STARD3NL: variants seen among roughly 807,000 people sequenced by gnomAD.
STARD3NL encodes the protein STARD3 N-terminal-like protein.
Under a neutral mutation model 30.9 loss-of-function variants are expected in STARD3NL, and 17 were observed. That is an observed-to-expected ratio of 0.55 (90% CI 0.38 to 0.82). The LOEUF (loss-of-function observed/expected upper bound fraction) is 0.82, where lower values mean the gene tolerates loss of function less well. Ranked by LOEUF, STARD3NL falls within the 40% of genes least tolerant of loss-of-function variation. STARD3NL has a pLI of 0.00. For missense variants in STARD3NL, 234 were observed against 277.6 expected, an observed-to-expected ratio of 0.84 and a Z score of 1.12; for synonymous variants, 112 against 100.5, an observed-to-expected ratio of 1.11 and a Z score of -0.69.
chr7:38,213,203 G>A (rs1345385428), intron 2 of STARD3NL, among the ~76,000 whole-genome samples: 1 of 152,116 alleles, frequency 6.6e-6, no homozygotes, highest in Non-Finnish European at 1.5e-5. Flanking sequence ...TTAGTCCGGA[G>A]AGACAGTAAT....
chr7:38,197,003 C>A (rs537159229), intron 1 of STARD3NL, among the ~76,000 whole-genome samples: 4 of 152,236 alleles, frequency 2.6e-5, no homozygotes, highest in African/African-American at 9.6e-5. Context: ...TGAAACTTTT[C>A]CTGTAGAGCT....
At position 38,204,685 on chromosome 7, in the gene STARD3NL, A is replaced by G. The variant is rs1365218437; in HGVS notation, c.-58-2762A>G. On this transcript the variant is annotated intron_variant, in intron 1 of 8. Transcript: ENST00000009041. The stretch of plus-strand genomic sequence containing the variant: ...ACACAAAAAACCCTTCAAAAAATCA[A>G]TGAATCCAGGAGCTGGTTTTTTGAA... Among the ~76,000 whole-genome samples, 4 of 152,328 alleles carry G rather than the reference A, an allele frequency of 2.6e-5. No homozygotes were observed. The South Asian group carries it at 8.3e-4, about 32-fold the overall frequency.
intron 2 of STARD3NL, among the ~76,000 whole-genome samples, chr7:38,209,174 T>G (rs1378879020): frequency 6.6e-6 from 1 of 152,218 alleles, no homozygotes; most frequent in Non-Finnish European, 1.5e-5. Flanking sequence ...TTTTGCTATG[T>G]GTTCCACATA....
intron 1 of STARD3NL, among the ~76,000 whole-genome samples, chr7:38,180,378 A>G (rs73348622): frequency 0.076 from 11,535 of 152,170 alleles, 1,434 homozygotes; most frequent in African/African-American, 0.26. Flanking sequence ...TATTACCTGT[A>G]CCTGCCTTCC....
At chr7:38,228,605 T>C (rs1786920246) in intron 7 of STARD3NL, among the ~76,000 whole-genome samples, 194 bp from the exon 8 acceptor site, 1 of 152,256 alleles carries the variant, frequency 6.6e-6, no homozygotes, top group South Asian at 2.1e-4. Flanking sequence ...TGATAGATTA[T>C]TGTTTAAAGG....
intron 7 of STARD3NL, among the ~76,000 whole-genome samples, chr7:38,219,916 G>T (rs574246582): frequency 1.3e-5 from 2 of 152,214 alleles, no homozygotes; most frequent in Admixed American, 6.5e-5. Flanking sequence ...CACAGACAAG[G>T]GGAAGCGTCT....
chr7:38,224,154 G>T (rs1351359953), intron 7 of STARD3NL, among the ~76,000 whole-genome samples: 1 of 151,596 alleles, frequency 6.6e-6, no homozygotes, highest in Admixed American at 6.7e-5. Context: ...TTTGTGGCTG[G>T]GTATTATTCC....
intron 1 of STARD3NL, among the ~76,000 whole-genome samples, chr7:38,192,522 A>G (rs1431923429): frequency 6.6e-6 from 1 of 152,174 alleles, no homozygotes; most frequent in African/African-American, 2.4e-5. Context: ...GAAAAATGCA[A>G]GCAGAGGTTT....
chr7:38,199,959 C>T (rs1346409855), intron 1 of STARD3NL, among the ~76,000 whole-genome samples: 1 of 152,190 alleles, frequency 6.6e-6, no homozygotes, highest in Non-Finnish European at 1.5e-5. Context: ...GAACCTGCAG[C>T]CACGGGCTTT....
intron 1 of STARD3NL, among the ~76,000 whole-genome samples, chr7:38,186,944 T>C (rs1278751093): frequency 6.6e-6 from 1 of 151,728 alleles, no homozygotes; most frequent in Non-Finnish European, 1.5e-5. Flanking sequence ...GAATAAAAGG[T>C]TGGAGACAAT....
In STARD3NL at chr7:38,179,901, T is replaced by A. The variant is rs1043929133; in HGVS notation, c.-59+1481T>A. On this transcript the variant is annotated intron_variant, in intron 1 of 8. Transcript: ENST00000009041. ...GAAGTTTCTAGGCAGATATAAACAG[T>A]GTAAAGGAGCTAAAGGAAGAATGAA... Among the ~76,000 whole-genome samples, 4 of 151,942 alleles carry A rather than the reference T, an allele frequency of 2.6e-5. No individual in the cohort carries two copies. In the East Asian group the frequency reaches 7.7e-4, roughly 29 times the overall value.
Position 38,215,077 on chromosome 7 carries a change from G to T in STARD3NL, c.353G>T (p.Cys118Phe). 6.2e-7 allele frequency: 1 copy of T among 1,614,022 alleles called. No homozygotes were observed. The highest frequency in any genetic ancestry group is 1.3e-5 in the African/African-American group (1 of 75,046). The change falls in exon 4 of 9, where the codon TGC (cysteine) becomes TTC (phenylalanine). Residue 118 changes from cysteine (C) to phenylalanine (F), a missense_variant. Transcript: ENST00000009041. Reference protein sequence around the residue: ...FKVLILAYAVCRLRHWWAIAL... With the variant: ...FKVLILAYAVFRLRHWWAIAL... ...GTGTTAATACTTGCATATGCTGTGT[G>T]CAGACTGCGCCATTGGTGGGCAATA...
At position 38,210,025 on chromosome 7, in the gene STARD3NL, C is replaced by T. The variant is rs573535333; in HGVS notation, c.225+2296C>T. 5.3e-5 allele frequency among the ~76,000 whole-genome samples: 8 copies of T among 152,268 alleles called. No homozygotes were observed. The East Asian group carries it at 1.2e-3, about 22-fold the overall frequency. On this transcript the variant is annotated intron_variant, in intron 2 of 8. Transcript: ENST00000009041. Reference sequence around the variant, plus strand: ...GACTTTTTTTAGTATGATTGTTTTTCGATGCCCAATTTCTAGTTCTACTTG... The same window carrying T: ...GACTTTTTTTAGTATGATTGTTTTTTGATGCCCAATTTCTAGTTCTACTTG...
intron 1 of STARD3NL, among the ~76,000 whole-genome samples, chr7:38,199,609 C>G (rs1785080307): frequency 6.6e-6 from 1 of 152,140 alleles, no homozygotes; most frequent in African/African-American, 2.4e-5. Context: ...GGGGGAAATG[C>G]ATCTGACTGC....
chr7:38,201,237 T>C (rs543302740), intron 1 of STARD3NL, among the ~76,000 whole-genome samples: 18 of 152,356 alleles, frequency 1.2e-4, no homozygotes, highest in Admixed American at 9.8e-4. Context: ...CTTTTTTTAT[T>C]GAGGTGAAAG....
chr7:38,202,724 T>A (rs1191959880), intron 1 of STARD3NL, among the ~76,000 whole-genome samples: 1 of 85,192 alleles, frequency 1.2e-5, no homozygotes, highest in Non-Finnish European at 2.2e-5. Context: ...CCCTCCCCCC[T>A]CCCCCCACCC....
At chr7:38,225,688 C>T (rs1786719542) in intron 7 of STARD3NL, among the ~76,000 whole-genome samples, 1 of 149,278 alleles carries the variant, frequency 6.7e-6, no homozygotes. Context: ...ATTCTGCTTT[C>T]TTAAGGTGAA....
At chr7:38,199,147 C>T (rs1375953056) in intron 1 of STARD3NL, among the ~76,000 whole-genome samples, 1 of 152,210 alleles carries the variant, frequency 6.6e-6, no homozygotes, top group Non-Finnish European at 1.5e-5. Flanking sequence ...TCCCATACTT[C>T]CCACACAGTT....
intron 1 of STARD3NL, among the ~76,000 whole-genome samples, chr7:38,193,456 G>A (rs554964521): frequency 7.2e-5 from 11 of 151,980 alleles, no homozygotes; most frequent in East Asian, 1.9e-4. Flanking sequence ...CCACCACCAC[G>A]CCCGGCTAAT....
Sources: allele counts gnomAD v4.1 joint callset (sites outside exome capture counted in the v4.1 genomes callset), GRCh38; gene constraint gnomAD v4.1.1; transcripts MANE v1.5; gene names NCBI Gene and HGNC (gene_info 2026-07-23, HGNC 2026-07-21).